DSCAM: variants seen among roughly 807,000 people sequenced by gnomAD.
DSCAM encodes the protein cell adhesion molecule DSCAM.
A neutral mutation model predicts 217.7 loss-of-function variants in DSCAM; 47 were observed. The observed-to-expected ratio is 0.22, with a 90% CI of 0.17 to 0.28. The LOEUF is 0.28. DSCAM is among the 10% of genes least tolerant of loss of function. The probability of loss-of-function intolerance (pLI) is 1.00; values close to 1 mark genes in which losing one functional copy is unlikely to be tolerated. For missense variants in DSCAM, 2,080 were observed against 2,618.3 expected (o/e 0.79, Z 4.49); for synonymous variants, 1,056 against 1,015.3 (o/e 1.04, Z -0.76).
At chr21:40,845,608 TTCTC>T (rs376598490) in intron 1 of DSCAM, among the ~76,000 whole-genome samples, 1 of 147,550 alleles carries the variant, frequency 6.8e-6, no homozygotes, top group Non-Finnish European at 1.5e-5. Context: ...CCTCCTCTCT[TTCTC>T]TCTCTCTCTC....
intron 3 of DSCAM, among the ~76,000 whole-genome samples, chr21:40,451,816 G>A (rs566216899): frequency 6.6e-6 from 1 of 152,222 alleles, no homozygotes; most frequent in Non-Finnish European, 1.5e-5. Context: ...CACTAAACAT[G>A]TGGGAGTTAT....
chr21:40,030,249 T>C (rs1233102774), intron 32 of DSCAM, among the ~76,000 whole-genome samples: 1 of 152,170 alleles, frequency 6.6e-6, no homozygotes, highest in Non-Finnish European at 1.5e-5. Context: ...GAGTGGACAC[T>C]AAATGACTGG....
chr21:40,586,352 A>G (rs1405372569), intron 3 of DSCAM, among the ~76,000 whole-genome samples: 1 of 152,230 alleles, frequency 6.6e-6, no homozygotes, highest in Non-Finnish European at 1.5e-5. Flanking sequence ...AATCCTTTAC[A>G]GCAACATAAA....
Position 40,512,011 on chromosome 21 carries a change from G to GTC in DSCAM, c.509-142767_509-142766insGA, listed in dbSNP as rs1568865699. 3.6e-4 allele frequency among the ~76,000 whole-genome samples: 14 copies of GTC among 38,358 alleles called. 1 individual carries two copies. The highest frequency in any genetic ancestry group is 1.3e-3 in the African/African-American group (13 of 10,340). 25.2% of individuals were successfully genotyped at this position (38,358 alleles called of 152,430 possible). On this transcript the variant is annotated intron_variant, in intron 3 of 32. Coordinates refer to ENST00000400454, the MANE Select transcript of DSCAM (RefSeq NM_001389.5). ...GTCTCAAAAAAAAAAAAAAAAAAAA[G>GTC]TATTCTATTTGAGGTCTTGCTTTTG...
intron 3 of DSCAM, among the ~76,000 whole-genome samples, chr21:40,547,837 T>C (rs931794914): frequency 5.3e-5 from 8 of 152,114 alleles, no homozygotes; most frequent in Admixed American, 3.3e-4. Flanking sequence ...CCTGGAACAA[T>C]GGAATGTCCT....
chr21:40,332,140 G>T (rs8134631), intron 8 of DSCAM, among the ~76,000 whole-genome samples: 78,303 of 151,940 alleles, frequency 0.52, 20,519 homozygotes, highest in South Asian at 0.63. Context: ...TTTAACAAAT[G>T]CTATCTCTCT....
At chr21:40,706,777 A>G (rs1355740482) in intron 2 of DSCAM, among the ~76,000 whole-genome samples, 3 of 152,246 alleles carry the variant, frequency 2.0e-5, no homozygotes, top group Admixed American at 6.5e-5. Flanking sequence ...AACCTAAAAG[A>G]TTATTATAAC....
intron 20 of DSCAM, among the ~76,000 whole-genome samples, chr21:40,105,830 T>C (rs1221786692): frequency 1.3e-5 from 2 of 152,194 alleles, no homozygotes; most frequent in African/African-American, 4.8e-5. Flanking sequence ...ACTGAGAAGA[T>C]TTAGAACCAC....
chr21:40,069,009 C>A (rs1876157444), intron 27 of DSCAM, among the ~76,000 whole-genome samples: 1 of 151,512 alleles, frequency 6.6e-6, no homozygotes, highest in African/African-American at 2.4e-5. Flanking sequence ...CGCTTGAACC[C>A]AGGAGGTGGA....
intron 18 of DSCAM, among the ~76,000 whole-genome samples, chr21:40,138,799 G>T (rs904525024): frequency 1.4e-5 from 2 of 145,516 alleles, no homozygotes; most frequent in African/African-American, 5.1e-5. Flanking sequence ...TGTATGTGTG[G>T]TATGTGTGGT....
At chr21:40,588,878 T>C (rs1294039571) in intron 3 of DSCAM, among the ~76,000 whole-genome samples, 2 of 152,112 alleles carry the variant, frequency 1.3e-5, no homozygotes, top group Admixed American at 6.6e-5. Context: ...GAAAAGAAAA[T>C]GCAACCATTT....
intron 3 of DSCAM, among the ~76,000 whole-genome samples, chr21:40,373,007 AT>A (rs35007163): frequency 0.096 from 14,607 of 152,136 alleles, 1,020 homozygotes; most frequent in Admixed American, 0.23. Flanking sequence ...CAGTAGGAAA[AT>A]GTTGCAGAAA....
chr21:40,655,809 T>A (rs2090068636), intron 3 of DSCAM, among the ~76,000 whole-genome samples: 1 of 152,132 alleles, frequency 6.6e-6, no homozygotes, highest in Non-Finnish European at 1.5e-5. Flanking sequence ...ATCCTAGCAC[T>A]TTGGGAGGCC....
intron 1 of DSCAM, among the ~76,000 whole-genome samples, chr21:40,748,685 C>A (rs895768339): frequency 1.3e-5 from 2 of 151,952 alleles, no homozygotes; most frequent in African/African-American, 4.8e-5. Flanking sequence ...AATGCAATCT[C>A]TATAATAAAA....
rs1399261713 is a variant in DSCAM, at chr21:40,027,087, C to T, written c.5687-13701G>A. Among the ~76,000 whole-genome samples, 14 of 152,398 alleles carry T rather than the reference C, an allele frequency of 9.2e-5. No individual in the cohort carries two copies. The East Asian group carries it at 1.5e-3, about 17-fold the overall frequency. On this transcript the variant is annotated intron_variant, in intron 32 of 32. Transcript: ENST00000400454. ...GGCAGGCCTGGTAGTGACAAAATCT[C>T]TCAGCATTTGCTTGTCTGTAAAGTA... is the stretch of plus-strand genomic sequence containing the variant.
At chr21:40,017,830 G>A (rs2088191883) in intron 32 of DSCAM, among the ~76,000 whole-genome samples, 1 of 152,206 alleles carries the variant, frequency 6.6e-6, no homozygotes, top group South Asian at 2.1e-4. Flanking sequence ...GGGATTACAG[G>A]CGTGAGCCAC....
intron 3 of DSCAM, among the ~76,000 whole-genome samples, chr21:40,453,040 TTGTGTGTGTG>T (rs3069917): frequency 0.24 from 32,238 of 134,158 alleles, 3,772 homozygotes; most frequent in Non-Finnish European, 0.27. Flanking sequence ...TTTAAAGACT[TTGTGTGTGTG>T]TGTGTGTGTG....
chr21:40,506,483 T>C (rs1002647114), intron 3 of DSCAM, among the ~76,000 whole-genome samples: 3 of 152,186 alleles, frequency 2.0e-5, no homozygotes, highest in African/African-American at 7.2e-5. Context: ...AAAAATCAAG[T>C]GGCTCAAACA....
intron 15 of DSCAM, among the ~76,000 whole-genome samples, chr21:40,175,805 A>ACACACACACACACGCACG (rs879840957): frequency 8.9e-6 from 1 of 112,536 alleles, no homozygotes; most frequent in African/African-American, 3.3e-5. Flanking sequence ...ACACACACAC[A>ACACACACACACACGCACG]CACGCACACA....
Sources: allele counts gnomAD v4.1 joint callset (sites outside exome capture counted in the v4.1 genomes callset), GRCh38; gene constraint gnomAD v4.1.1; transcripts MANE v1.5; gene names NCBI Gene and HGNC (gene_info 2026-07-23, HGNC 2026-07-21).